Variants in C19orf81 observed in about 807,000 individuals in gnomAD.
C19orf81 encodes the protein chromosome 19 open reading frame 81, also known as putative uncharacterized protein C19orf81.
Under a neutral mutation model 22.1 loss-of-function variants are expected in C19orf81, and 19 were observed. The ratio of observed to expected loss-of-function variants is 0.86; its 90% CI spans 0.60 to 1.26. C19orf81 has a LOEUF of 1.26. C19orf81 is among the 50% of genes most tolerant of loss of function. The pLI is 0.00. For missense variants in C19orf81, 287 were observed against 280.7 expected, an observed-to-expected ratio of 1.02 and a Z score of -0.16; for synonymous variants, 108 against 113.1, an observed-to-expected ratio of 0.95 and a Z score of 0.29.
chr19:50,650,168 A>G (rs1341185483), intron 1 of C19orf81, among the ~76,000 whole-genome samples: 1 of 151,906 alleles, frequency 6.6e-6, no homozygotes, highest in Non-Finnish European at 1.5e-5. Flanking sequence ...AACACTTCCT[A>G]GCTTCCTGTC....
rs562812448 is a variant in C19orf81, at chr19:50,651,862, G to A, written c.67+2351G>A. Reference sequence around the variant, plus strand: ...AAAATCACTGTTGTAACTAGAAATAGTTCTTATTTCTAATGTCATATTTCA... The same window carrying A: ...AAAATCACTGTTGTAACTAGAAATAATTCTTATTTCTAATGTCATATTTCA... On this transcript the variant is annotated intron_variant, in intron 1 of 4. Transcript: ENST00000425202. 3.0e-4 allele frequency among the ~76,000 whole-genome samples: 45 copies of A among 152,124 alleles called. 1 individual carries two copies. The South Asian group carries it at 9.1e-3, about 31-fold the overall frequency.
At chr19:50,658,840 A>G in intron 4 of C19orf81, 107 bp from the exon 5 acceptor site, 1 of 1,018,926 alleles carries the variant, frequency 9.8e-7, no homozygotes, top group Non-Finnish European at 1.3e-6. Flanking sequence ...GGTCCGCTGG[A>G]CCAGGGCCTG....
At chr19:50,649,667 G>A in intron 1 of C19orf81, 156 bp downstream of exon 1, 4 of 858,286 alleles carry the variant, frequency 4.7e-6, no homozygotes, top group East Asian at 5.4e-5. Flanking sequence ...CTGGAGAGCG[G>A]CCCCCTTGGA....
At chr19:50,652,353 C>A (rs1984894935) in intron 1 of C19orf81, among the ~76,000 whole-genome samples, 1 of 152,150 alleles carries the variant, frequency 6.6e-6, no homozygotes, top group African/African-American at 2.4e-5. Flanking sequence ...CAAGTCCCTG[C>A]CCTTACGTTG....
chr19:50,659,067 C>T lies in C19orf81; in HGVS notation c.522C>T (p.Arg174=). 6.5e-7 allele frequency: 1 copy of T among 1,527,368 alleles called. No individual in the cohort carries two copies. Among genetic ancestry groups the T allele is most frequent in the Non-Finnish European group, 8.8e-7 (1 of 1,142,430 alleles). 94.6% of individuals were successfully genotyped at this position (1,527,368 alleles called of 1,614,324 possible). A position where few individuals can be genotyped will look rare whatever the true frequency, so the allele number is the denominator to read the frequency against. The change falls in exon 5 of 5, where the codon CGC becomes CGT. Residue 174 remains arginine (R), a synonymous_variant. Transcript: ENST00000425202. ...RHDDLLLGDY[R]LHLRRSLVRR... Reference sequence around the variant, plus strand: ...ACGACCTCCTGCTGGGCGACTACCGCCTGCACCTGCGCCGCTCCCTGGTCC... The same window carrying T: ...ACGACCTCCTGCTGGGCGACTACCGTCTGCACCTGCGCCGCTCCCTGGTCC...
intron 1 of C19orf81, among the ~76,000 whole-genome samples, chr19:50,650,399 G>A (rs1984851781): frequency 6.6e-6 from 1 of 152,226 alleles, no homozygotes; most frequent in South Asian, 2.1e-4. Flanking sequence ...GACTGGGTGT[G>A]GTGGCTCACG....
intron 1 of C19orf81, among the ~76,000 whole-genome samples, chr19:50,654,169 C>T (rs565451160): frequency 6.6e-6 from 1 of 152,238 alleles, no homozygotes; most frequent in East Asian, 1.9e-4. Flanking sequence ...CCCTCCCTTT[C>T]AGCAGCTATA....
At chr19:50,651,856 G>C (rs180958681) in intron 1 of C19orf81, among the ~76,000 whole-genome samples, 1 of 152,134 alleles carries the variant, frequency 6.6e-6, no homozygotes, top group East Asian at 1.9e-4. Flanking sequence ...GTTGTAACTA[G>C]AAATAGTTCT....
intron 1 of C19orf81, among the ~76,000 whole-genome samples, chr19:50,654,686 T>C (rs764663757): frequency 2.1e-5 from 3 of 145,660 alleles, no homozygotes; most frequent in Non-Finnish European, 4.5e-5. Context: ...CTGAAGTGCA[T>C]TGGTACAATC....
rs1194055418 is a variant in C19orf81 at position 50,659,221 on chromosome 19, G to T, written c.*79G>T. On this transcript the variant is annotated 3_prime_UTR_variant, in exon 5 of 5. Coordinates refer to ENST00000425202, the MANE Select transcript of C19orf81 (RefSeq NM_001195076.2). ...CCACCCGGAGCCCCGGAGGACAGGG[G>T]GCGTTGCCTTCCCAGGAAGGAGGCG... is the stretch of plus-strand genomic sequence containing the variant. 8.4e-7 allele frequency: 1 copy of T among 1,196,706 alleles called. No individual in the cohort carries two copies. Among genetic ancestry groups the T allele is most frequent in the South Asian group, 3.1e-5 (1 of 32,064 alleles). The allele number at this position is 1,196,706 out of a possible 1,614,324, so 74.1% of individuals were successfully genotyped here. A position where few individuals can be genotyped will look rare whatever the true frequency, so the allele number is the denominator to read the frequency against.
At chr19:50,654,283 T>C (rs893250184) in intron 1 of C19orf81, among the ~76,000 whole-genome samples, 4 of 151,994 alleles carry the variant, frequency 2.6e-5, no homozygotes, top group African/African-American at 9.7e-5. Context: ...CCTCCCTCCA[T>C]CTCTCTCTTT....
intron 4 of C19orf81, 149 bp from the exon 5 acceptor site, chr19:50,658,798 A>T: frequency 1.6e-6 from 1 of 616,084 alleles, no homozygotes; most frequent in Non-Finnish European, 2.5e-6. Context: ...GCGAGAGGGC[A>T]GGGCTGGAGG....
intron 1 of C19orf81, among the ~76,000 whole-genome samples, chr19:50,651,337 C>T (rs1277362743): frequency 6.6e-6 from 1 of 152,184 alleles, no homozygotes; most frequent in Non-Finnish European, 1.5e-5. Flanking sequence ...TCTGTCACCT[C>T]TTTATTTGGT....
At chr19:50,653,958 T>C (rs1291510162) in intron 1 of C19orf81, among the ~76,000 whole-genome samples, 1 of 152,012 alleles carries the variant, frequency 6.6e-6, no homozygotes, top group African/African-American at 2.4e-5. Flanking sequence ...CCGTCGGCTC[T>C]GAGCTGGGAG....
rs1985073549 is a variant in C19orf81 at position 50,659,001 on chromosome 19, G to A, written c.456G>A (p.Gly152=). The A allele has an allele frequency of 1.3e-6, 2 of 1,527,296 alleles. No homozygotes were observed. The highest frequency in any genetic ancestry group is 8.8e-7 in the Non-Finnish European group (1 of 1,141,738). The allele number at this position is 1,527,296 out of a possible 1,614,324, so 94.6% of individuals were successfully genotyped here. A position where few individuals can be genotyped will look rare whatever the true frequency, so the allele number is the denominator to read the frequency against. ...CGCGCTCGCGCTTGCTGCGCTCCGG[G>A]CTCAGTCCCCGCGGGCTTGCGCACC... ...FQTRSRLLRS[G]LSPRGLAHQI... The change falls in exon 5 of 5, where the codon GGG becomes GGA. Residue 152 remains glycine (G), a synonymous_variant. Transcript: ENST00000425202.
At chr19:50,649,886 C>T (rs1984841260) in intron 1 of C19orf81, 1 of 462,102 alleles carries the variant, frequency 2.2e-6, no homozygotes, top group Non-Finnish European at 4.3e-6. Context: ...TTCAAATGGC[C>T]CCACCGCCAA....
intron 1 of C19orf81, among the ~76,000 whole-genome samples, chr19:50,654,089 ATGT>A (rs1984940164): frequency 6.6e-6 from 1 of 151,980 alleles, no homozygotes; most frequent in Non-Finnish European, 1.5e-5. Flanking sequence ...GCCTTGCTTG[ATGT>A]TGGTGTTACG....
intron 1 of C19orf81, among the ~76,000 whole-genome samples, chr19:50,653,733 CACACACACGTT>C (rs1258254786): frequency 1.5e-5 from 2 of 136,188 alleles, no homozygotes; most frequent in Non-Finnish European, 3.1e-5. Context: ...CACACACACA[CACACACACGTT>C]GTCTCAGTAG....
intron 1 of C19orf81, among the ~76,000 whole-genome samples, chr19:50,653,682 GCACA>G (rs57915687): frequency 0.08 from 9,682 of 121,684 alleles, 556 homozygotes; most frequent in East Asian, 0.11. Flanking sequence ...ATGAGAGACA[GCACA>G]CACACACACA....
Sources: gnomAD v4.1 joint callset for allele counts (sites outside exome capture counted in the v4.1 genomes callset) on GRCh38, gnomAD v4.1.1 for gene constraint, MANE v1.5 for transcripts, NCBI Gene and HGNC (gene_info 2026-07-23, HGNC 2026-07-21) for gene names.